Variants in TAFA5 observed in about 807,000 individuals in gnomAD.
TAFA5 encodes chemokine-like protein TAFA-5.
In TAFA5, 6 loss-of-function variants were observed where a neutral mutation model predicts 15.3. That is an observed-to-expected ratio of 0.39 (90% confidence interval 0.21 to 0.77). The LOEUF (loss-of-function observed/expected upper bound fraction) is 0.77. TAFA5 is among the 30% of genes least tolerant of loss of function. TAFA5 has a pLI of 0.41. For missense variants in TAFA5, 161 were observed against 193.1 expected (o/e 0.83, Z 0.98); for synonymous variants, 103 against 80.7 (o/e 1.28, Z -1.48).
intron 2 of TAFA5, among the ~76,000 whole-genome samples, chr22:48,675,869 G>A (rs1332277180): frequency 6.6e-6 from 1 of 152,270 alleles, no homozygotes; most frequent in African/African-American, 2.4e-5. Flanking sequence ...CCCTGCAGGT[G>A]GCTCATCCCA....
At chr22:48,712,879 T>C (rs933488143) in intron 3 of TAFA5, among the ~76,000 whole-genome samples, 2 of 152,220 alleles carry the variant, frequency 1.3e-5, no homozygotes, top group African/African-American at 4.8e-5. Context: ...CAGGCAGGGC[T>C]GGTGGGGCCG....
At chr22:48,563,786 C>T (rs960044234) in intron 1 of TAFA5, among the ~76,000 whole-genome samples, 1 of 152,066 alleles carries the variant, frequency 6.6e-6, no homozygotes, top group African/African-American at 2.4e-5. Context: ...GTCAAGACCC[C>T]AAGGACCCAC....
intron 3 of TAFA5, among the ~76,000 whole-genome samples, chr22:48,717,233 G>A (rs958768661): frequency 6.6e-6 from 1 of 152,224 alleles, no homozygotes; most frequent in Non-Finnish European, 1.5e-5. Flanking sequence ...CGCCGAAGCC[G>A]GGAAACAGTG....
At chr22:48,657,375 G>T (rs1176368334) in intron 2 of TAFA5, among the ~76,000 whole-genome samples, 1 of 152,152 alleles carries the variant, frequency 6.6e-6, no homozygotes, top group Admixed American at 6.5e-5. Flanking sequence ...TAAAAACAAG[G>T]AATGAGTTAT....
At chr22:48,688,005 G>GT (rs130109) in intron 2 of TAFA5, among the ~76,000 whole-genome samples, 87 of 149,252 alleles carry the variant, frequency 5.8e-4, no homozygotes, top group Middle Eastern at 3.4e-3. Flanking sequence ...TGATTAGAGG[G>GT]TTTTTTTTTT....
At chr22:48,556,170 G>C (rs1362569572) in intron 1 of TAFA5, among the ~76,000 whole-genome samples, 1 of 152,206 alleles carries the variant, frequency 6.6e-6, no homozygotes, top group African/African-American at 2.4e-5. Context: ...ATCACAGGCA[G>C]AGGAGAAGAA....
intron 1 of TAFA5, among the ~76,000 whole-genome samples, chr22:48,542,425 ATG>A (rs1468259784): frequency 1.4e-4 from 7 of 48,910 alleles, no homozygotes; most frequent in East Asian, 7.2e-4. Flanking sequence ...TGTGGTGTGT[ATG>A]TGTGTGGTGT....
chr22:48,604,536 T>C (rs1925088750), intron 1 of TAFA5, among the ~76,000 whole-genome samples: 1 of 152,206 alleles, frequency 6.6e-6, no homozygotes, highest in South Asian at 2.1e-4. Flanking sequence ...CAGGGAGTGC[T>C]CAAGCTTGGG....
chr22:48,652,794 G>T (rs1055338233), intron 2 of TAFA5, among the ~76,000 whole-genome samples: 1 of 61,638 alleles, frequency 1.6e-5, no homozygotes, highest in African/African-American at 6.8e-5. Flanking sequence ...GTACCTGCCT[G>T]CCTCAGGAGG....
chr22:48,585,375 C>T (rs981202073), intron 1 of TAFA5, among the ~76,000 whole-genome samples: 9 of 147,578 alleles, frequency 6.1e-5, no homozygotes, highest in South Asian at 2.2e-4. Context: ...AATATTCATA[C>T]ACCACACAGC....
At chr22:48,682,534 G>A (rs1028260660) in intron 2 of TAFA5, among the ~76,000 whole-genome samples, 11 of 152,306 alleles carry the variant, frequency 7.2e-5, no homozygotes, top group East Asian at 3.9e-4. Flanking sequence ...CCTTACCAGC[G>A]GTTGGTCAAC....
chr22:48,634,482 C>T (rs920951268), intron 1 of TAFA5, among the ~76,000 whole-genome samples: 3 of 113,446 alleles, frequency 2.6e-5, no homozygotes, highest in Non-Finnish European at 5.2e-5. Flanking sequence ...ATCACTCAAT[C>T]ACTCCTTGAC....
Position 48,561,850 on chromosome 22 carries a change from A to G in TAFA5, c.112+72146A>G, listed in dbSNP as rs1266178130. 2.0e-5 allele frequency among the ~76,000 whole-genome samples: 3 copies of G among 152,236 alleles called. No individual in the cohort carries two copies. The East Asian group carries it at 5.8e-4, about 29-fold the overall frequency. ...GGCTCAGCACGGCTGCGTGGGGACC[A>G]GTCCGGGGCCACACACATTCTGCAC... On this transcript the variant is annotated intron_variant, in intron 1 of 3. Coordinates refer to ENST00000402357, the MANE Select transcript of TAFA5 (RefSeq NM_001082967.3).
In TAFA5 at chr22:48,550,265, G is replaced by A. The variant is rs570593663; in HGVS notation, c.112+60561G>A. On this transcript the variant is annotated intron_variant, in intron 1 of 3. Transcript: ENST00000402357. This position sits in a 1 kb window ranked among gnomAD's most constrained non-coding sequence, Gnocchi z 4.1. ...GCCTGGGCAGATGGCGCATCTGGCC[G>A]GGATAAGGTGTAGGCCTGGGAGAAC... Among the ~76,000 whole-genome samples the A allele has an allele frequency of 5.3e-5, 8 of 152,332 alleles. No homozygotes were observed. Among genetic ancestry groups the A allele is most frequent in the East Asian group, 3.9e-4 (2 of 5,162 alleles).
chr22:48,591,284 G>A (rs991009800), intron 1 of TAFA5, among the ~76,000 whole-genome samples: 8 of 152,216 alleles, frequency 5.3e-5, no homozygotes, highest in African/African-American at 1.2e-4. Context: ...GAAGCTTCCC[G>A]GTTCCTTAGT....
Position 48,530,631 on chromosome 22 carries a change from T to G in TAFA5, c.112+40927T>G, listed in dbSNP as rs1400930439. Among the ~76,000 whole-genome samples, 2 of 152,052 alleles carry G rather than the reference T, an allele frequency of 1.3e-5. No individual in the cohort carries two copies. The highest frequency in any genetic ancestry group is 2.9e-5 in the Non-Finnish European group (2 of 68,006). On this transcript the variant is annotated intron_variant, in intron 1 of 3. Coordinates refer to ENST00000402357, the MANE Select transcript of TAFA5 (RefSeq NM_001082967.3). This position sits in a 1 kb window ranked among gnomAD's most constrained non-coding sequence, Gnocchi z 6.0. ...CCCTGGCTCCCTCCCTTCCCATCCC[T>G]TCTGCTTGGCGACCCTCCTCCAATG... is the stretch of plus-strand genomic sequence containing the variant.
chr22:48,693,516 C>A, intron 2 of TAFA5: 1 of 1,496,600 alleles, frequency 6.7e-7, no homozygotes, highest in Non-Finnish European at 9.0e-7. Flanking sequence ...AGGAGACCAG[C>A]AGGTGAGGCC....
intron 2 of TAFA5, among the ~76,000 whole-genome samples, chr22:48,673,537 G>C (rs1927868456): frequency 6.6e-6 from 1 of 152,184 alleles, no homozygotes; most frequent in Admixed American, 6.5e-5. Flanking sequence ...GCCAGGAAGA[G>C]GCCGGCCTTC....
intron 2 of TAFA5, among the ~76,000 whole-genome samples, chr22:48,706,486 TG>T (rs1929082885): frequency 6.6e-6 from 1 of 152,132 alleles, no homozygotes; most frequent in South Asian, 2.1e-4. Context: ...GCGAGTGCAG[TG>T]GGGATATGTG....
Sources: gnomAD v4.1 joint callset for allele counts (sites outside exome capture counted in the v4.1 genomes callset) on GRCh38, gnomAD v4.1.1 for gene constraint, Gnocchi (gnomAD v3.1) non-coding constraint, MANE v1.5 for transcripts, NCBI Gene and HGNC (gene_info 2026-07-23, HGNC 2026-07-21) for gene names.